The following PREX1 variants were observed in gnomAD, a reference collection of about 807,000 sequenced individuals.
PREX1 encodes phosphatidylinositol-3,4,5-trisphosphate dependent Rac exchange factor 1.
A neutral mutation model predicts 198.3 loss-of-function variants in PREX1; 41 were observed. The ratio of observed to expected loss-of-function variants is 0.21; its 90% CI spans 0.16 to 0.27. The LOEUF is 0.27. Ranked by LOEUF, PREX1 falls within the 10% of genes least tolerant of loss-of-function variation. The pLI is 1.00. For synonymous variants in PREX1, 843 were observed against 887.2 expected (o/e 0.95, Z 0.89); for missense variants, 1,620 against 2,200.7 (o/e 0.74, Z 5.28).
intron 3 of PREX1, among the ~76,000 whole-genome samples, chr20:48,734,916 G>A (rs1333457167): frequency 6.6e-6 from 1 of 152,214 alleles, no homozygotes; most frequent in Non-Finnish European, 1.5e-5. Flanking sequence ...CTCAAGAAGA[G>A]CAGCCTGGGC....
chr20:48,696,977 T>TACATACACACACAC lies in PREX1; in HGVS notation c.917+3775_917+3776insGTGTGTGTGTATGT, dbSNP rs111517056. On this transcript the variant is annotated intron_variant, in intron 7 of 39. Coordinates refer to ENST00000371941, the MANE Select transcript of PREX1 (RefSeq NM_020820.4). ...GTCAACTGCTTATTATAAATCTCTT[T>TACATACACACACAC]ACACACACACACACACACACACACA... Among the ~76,000 whole-genome samples the TACATACACACACAC allele has an allele frequency of 3.6e-3, 535 of 148,702 alleles. 2 individuals carry two copies. The highest frequency in any genetic ancestry group is 0.02 in the East Asian group (102 of 4,998).
chr20:48,683,094 A>G (rs550499687), intron 10 of PREX1, among the ~76,000 whole-genome samples: 56 of 152,066 alleles, frequency 3.7e-4, no homozygotes, highest in Non-Finnish European at 6.0e-4. Context: ...GGTCCTGTCC[A>G]CCCCCAGTTC....
chr20:48,738,080 G>T (rs759769865), intron 3 of PREX1, among the ~76,000 whole-genome samples: 10 of 152,140 alleles, frequency 6.6e-5, no homozygotes, highest in Non-Finnish European at 7.4e-5. Context: ...GAGGTGACAG[G>T]GTCTCTCTGT....
At chr20:48,694,180 G>A (rs1223934079) in intron 7 of PREX1, among the ~76,000 whole-genome samples, 1 of 152,150 alleles carries the variant, frequency 6.6e-6, no homozygotes, top group Non-Finnish European at 1.5e-5. Context: ...CCAAAGTCTT[G>A]GGATTACAGG....
chr20:48,864,152 C>T, the PREX1 span, among the ~76,000 whole-genome samples: 2 of 152,206 alleles, frequency 1.3e-5, no homozygotes, highest in Admixed American at 6.5e-5. Context: ...TACAAGAGGA[C>T]GCAGAGAATG....
chr20:48,746,223 G>A (rs899104636), intron 2 of PREX1, among the ~76,000 whole-genome samples: 18 of 152,026 alleles, frequency 1.2e-4, no homozygotes, highest in Admixed American at 1.0e-3. Context: ...GGGTTTCACC[G>A]TGTTGCCCAG....
intron 1 of PREX1, among the ~76,000 whole-genome samples, chr20:48,755,693 G>A (rs1003852974): frequency 2.6e-5 from 4 of 152,096 alleles, no homozygotes; most frequent in Admixed American, 2.0e-4. Flanking sequence ...CAACATATCC[G>A]CCCTGGGTCA....
intron 4 of PREX1, among the ~76,000 whole-genome samples, chr20:48,728,832 A>T (rs2090020925): frequency 6.6e-6 from 1 of 152,244 alleles, no homozygotes. Context: ...TTTTAAAAAA[A>T]AACAAAAACA....
At chr20:48,776,411 C>T (rs926188447) in intron 1 of PREX1, among the ~76,000 whole-genome samples, 2 of 152,212 alleles carry the variant, frequency 1.3e-5, no homozygotes, top group African/African-American at 4.8e-5. Context: ...CACCTGGCAA[C>T]CAGATGCCTG....
chr20:48,821,217 G>GA (rs1046605210), intron 1 of PREX1, among the ~76,000 whole-genome samples: 2 of 152,084 alleles, frequency 1.3e-5, no homozygotes, highest in Non-Finnish European at 2.9e-5. Flanking sequence ...AAAACGGGGG[G>GA]ATTTTTGATC....
chr20:48,672,453 A>T (rs1197618887), intron 14 of PREX1, among the ~76,000 whole-genome samples: 2 of 152,290 alleles, frequency 1.3e-5, no homozygotes, highest in African/African-American at 4.8e-5. Context: ...ATCATCCCTA[A>T]AGTCTCCACA....
intron 1 of PREX1, among the ~76,000 whole-genome samples, chr20:48,773,362 C>T (rs1334265576): frequency 6.6e-6 from 1 of 152,018 alleles, no homozygotes; most frequent in African/African-American, 2.4e-5. Context: ...CTACCACATC[C>T]TACCAGAGGC....
intron 2 of PREX1, among the ~76,000 whole-genome samples, chr20:48,747,020 C>G (rs1168894804): frequency 1.3e-5 from 2 of 148,500 alleles, no homozygotes; most frequent in East Asian, 4.0e-4. Context: ...ACCCCACCCC[C>G]AGGAGGAGCC....
At chr20:48,651,338 A>C in intron 22 of PREX1, 58 bp downstream of exon 22, 1 of 1,527,606 alleles carries the variant, frequency 6.5e-7, no homozygotes, top group Non-Finnish European at 8.8e-7. Flanking sequence ...ACCTTTGATA[A>C]GAGAAACTGG....
At chr20:48,874,479 G>T in the PREX1 span, among the ~76,000 whole-genome samples, 3 of 151,648 alleles carry the variant, frequency 2.0e-5, no homozygotes, top group African/African-American at 7.3e-5. Flanking sequence ...GCGTTGTGGC[G>T]GGAGTTTGGG....
At chr20:48,750,108 G>T (rs930764474) in intron 1 of PREX1, among the ~76,000 whole-genome samples, 2 of 152,110 alleles carry the variant, frequency 1.3e-5, no homozygotes, top group South Asian at 2.1e-4. Flanking sequence ...AAGGGCTCTA[G>T]CCAAAACCCA....
chr20:48,727,987 C>A (rs1182755244), intron 4 of PREX1, among the ~76,000 whole-genome samples: 2 of 152,192 alleles, frequency 1.3e-5, no homozygotes. Context: ...TCACTATGTG[C>A]CCATTATGTG....
intron 32 of PREX1, 113 bp from the exon 33 acceptor site, chr20:48,634,888 G>A: frequency 5.9e-6 from 5 of 848,904 alleles, no homozygotes; most frequent in Non-Finnish European, 9.6e-6. Flanking sequence ...GGCCCCCTGG[G>A]TGCCAGGTCC....
chr20:48,849,095 C>CAA, the PREX1 span, among the ~76,000 whole-genome samples: 128 of 131,214 alleles, frequency 9.8e-4, 2 homozygotes, highest in South Asian at 2.4e-4. Flanking sequence ...GACCCTGTCT[C>CAA]AAAAAAAAAA....
Sources: gnomAD v4.1 joint callset for allele counts (sites outside exome capture counted in the v4.1 genomes callset) on GRCh38, gnomAD v4.1.1 for gene constraint, MANE v1.5 for transcripts, NCBI Gene and HGNC (gene_info 2026-07-23, HGNC 2026-07-21) for gene names.